The following PCDHGA3 variants were observed in gnomAD, a reference collection of about 807,000 sequenced individuals.
The protein encoded by PCDHGA3 is protocadherin gamma subfamily A, 3, also known as protocadherin gamma-A3.
A neutral mutation model predicts 58.5 loss-of-function variants in PCDHGA3; 40 were observed. That is an observed-to-expected ratio of 0.68 (90% CI 0.53 to 0.89). The LOEUF (loss-of-function observed/expected upper bound fraction) is 0.89, where lower values mean the gene tolerates loss of function less well. PCDHGA3 is among the 40% of genes least tolerant of loss of function. PCDHGA3 has a pLI of 0.00. For missense variants in PCDHGA3, 1,223 were observed against 1,195.9 expected (o/e 1.02, Z -0.33); for synonymous variants, 530 against 525.7 (o/e 1.01, Z -0.11).
At position 141,375,466 on chromosome 5, in the gene PCDHGA3, C is replaced by G. The variant is rs569300391; in HGVS notation, c.2424+29009C>G. On this transcript the variant is annotated intron_variant, in intron 1 of 3. Coordinates refer to ENST00000253812, the MANE Select transcript of PCDHGA3 (RefSeq NM_018916.4). ...CCCATTCATCCTACTCAGTCTATGT[C>G]CTTGAAAACAACCCCAGGGGTGCCT... The G allele has an allele frequency of 2.5e-6, 4 of 1,614,016 alleles. No individual in the cohort carries two copies. In the African/African-American group the frequency reaches 4.0e-5, roughly 16 times the overall value.
intron 1 of PCDHGA3, chr5:141,398,585 T>C (rs200356405): frequency 1.9e-6 from 3 of 1,614,080 alleles, no homozygotes; most frequent in Non-Finnish European, 2.5e-6. Flanking sequence ...ACAAGATTTA[T>C]ACTAGAAGTA....
chr5:141,421,847 C>G, intron 1 of PCDHGA3: 1 of 1,613,752 alleles, frequency 6.2e-7, no homozygotes, highest in Non-Finnish European at 8.5e-7. Flanking sequence ...GAGAAAGAGG[C>G]TGCTCACCTG....
chr5:141,419,730 G>A (rs747960969), intron 1 of PCDHGA3: 9 of 1,613,746 alleles, frequency 5.6e-6, no homozygotes, highest in Non-Finnish European at 7.6e-6. Context: ...CTGCGAACAG[G>A]CGAGGTGCGC....
chr5:141,390,396 T>G, intron 1 of PCDHGA3: 2 of 1,374,352 alleles, frequency 1.5e-6, no homozygotes, highest in Admixed American at 2.2e-5. Context: ...ATGGATCATT[T>G]TAGGAAAGTT....
At chr5:141,405,035 G>C in intron 1 of PCDHGA3, 1 of 1,613,964 alleles carries the variant, frequency 6.2e-7, no homozygotes, top group South Asian at 1.1e-5. Context: ...CTACCTCGTT[G>C]TGGCTGTGGC....
At chr5:141,374,135 A>G (rs564020884) in intron 1 of PCDHGA3, 17 of 1,605,796 alleles carry the variant, frequency 1.1e-5, no homozygotes, top group Non-Finnish European at 1.4e-5. Context: ...CCTGCTCCTC[A>G]CGCTCCTGGG....
At chr5:141,398,256 G>C in intron 1 of PCDHGA3, 3 of 1,460,296 alleles carry the variant, frequency 2.1e-6, no homozygotes, top group Non-Finnish European at 9.3e-7. Flanking sequence ...AAATGCCCAA[G>C]GGCTCCGTAG....
chr5:141,490,004 C>A lies in PCDHGA3; in HGVS notation c.2425-4803C>A. The A allele has an allele frequency of 6.2e-7, 1 of 1,614,174 alleles. No homozygotes were observed. The highest frequency in any genetic ancestry group is 1.7e-5 in the Admixed American group (1 of 60,034). On this transcript the variant is annotated intron_variant, in intron 1 of 3. Transcript: ENST00000253812. The surrounding 1 kb of genome is among the most constrained non-coding windows in gnomAD (Gnocchi z 5.4). ...CTACGTGTGGGAATCCCAGAGAATGCACCCATTGGTACTCTGCTGCTCCGC... is the reference window on the plus strand; with the variant it reads ...CTACGTGTGGGAATCCCAGAGAATGAACCCATTGGTACTCTGCTGCTCCGC...
chr5:141,505,190 G>A (rs1326515866), intron 2 of PCDHGA3, among the ~76,000 whole-genome samples: 1 of 152,186 alleles, frequency 6.6e-6, no homozygotes, highest in East Asian at 1.9e-4. Flanking sequence ...ATCGGAGGCA[G>A]CAAAGAGCTG....
chr5:141,393,526 A>G, intron 1 of PCDHGA3: 3 of 1,613,974 alleles, frequency 1.9e-6, no homozygotes, highest in East Asian at 2.2e-5. Context: ...ACAAATGACA[A>G]TGCCCCGGTT....
Position 141,491,730 on chromosome 5 carries a change from C to G in PCDHGA3, c.2425-3077C>G, listed in dbSNP as rs1346666614. 1 of 1,603,920 alleles carries G rather than the reference C, an allele frequency of 6.2e-7. No homozygotes were observed. Among genetic ancestry groups the G allele is most frequent in the Non-Finnish European group, 8.5e-7 (1 of 1,175,836 alleles). ...GGGGCTCGGCGCCGCCCCGGGCGAC[C>G]CCTGGGGGCGGCACTGGAGAAGCCG... On this transcript the variant is annotated intron_variant, in intron 1 of 3. Coordinates refer to ENST00000253812, the MANE Select transcript of PCDHGA3 (RefSeq NM_018916.4). The surrounding 1 kb of genome is among the most constrained non-coding windows in gnomAD (Gnocchi z 6.9).
At chr5:141,375,056 CCAGGT>C in intron 1 of PCDHGA3, 2 of 1,613,966 alleles carry the variant, frequency 1.2e-6, no homozygotes, top group Non-Finnish European at 1.7e-6. Flanking sequence ...CCGGGATGGG[CCAGGT>C]CTTCGAGACA....
chr5:141,457,417 CT>C lies in PCDHGA3; in HGVS notation c.2425-37385del, dbSNP rs894846890. On this transcript the variant is annotated intron_variant, in intron 1 of 3. Transcript: ENST00000253812. ...ATTCACATTTTCACATTACCCATCC[CT>C]TTTTCCCCCCCACCAAGCTGCAGAA... Among the ~76,000 whole-genome samples, 3 of 152,296 alleles carry C rather than the reference CT, an allele frequency of 2.0e-5. No individual in the cohort carries two copies. In the South Asian group the frequency reaches 6.2e-4, roughly 32 times the overall value.
chr5:141,345,251 G>C lies in PCDHGA3; in HGVS notation c.1218G>C (p.Thr406=). 6.2e-7 allele frequency: 1 copy of C among 1,613,866 alleles called. No individual in the cohort carries two copies. Among genetic ancestry groups the C allele is most frequent in the Non-Finnish European group, 8.5e-7 (1 of 1,179,878 alleles). The change falls in exon 1 of 4, where the codon ACG becomes ACC. Residue 406 remains threonine (T), a synonymous_variant. Coordinates refer to ENST00000253812, the MANE Select transcript of PCDHGA3 (RefSeq NM_018916.4). ...TAGATCAATATTACCGCTTAGTGACGGCCACATCCCTGGACCGCGAACAAA... is the reference window on the plus strand; with the variant it reads ...TAGATCAATATTACCGCTTAGTGACCGCCACATCCCTGGACCGCGAACAAA... The part of the protein sequence containing the change: ...KSIDQYYRLV[T]ATSLDREQIS...
chr5:141,408,855 G>T, intron 1 of PCDHGA3: 1 of 1,613,572 alleles, frequency 6.2e-7, no homozygotes, highest in Non-Finnish European at 8.5e-7. Context: ...TTGGACGGAG[G>T]GGACCCACCA....
chr5:141,487,068 T>C lies in PCDHGA3; in HGVS notation c.2425-7739T>C. ...TATGCTGGGGAGGTGCGGACGGCTG[T>C]TCCTATCCCAGCTGACCTCCCACCA... On this transcript the variant is annotated intron_variant, in intron 1 of 3. Transcript: ENST00000253812. The surrounding 1 kb of genome is among the most constrained non-coding windows in gnomAD (Gnocchi z 5.0). The C allele has an allele frequency of 6.2e-7, 1 of 1,614,166 alleles. No individual in the cohort carries two copies. The highest frequency in any genetic ancestry group is 8.5e-7 in the Non-Finnish European group (1 of 1,180,016).
intron 1 of PCDHGA3, chr5:141,428,122 G>A: frequency 6.2e-7 from 1 of 1,606,172 alleles, no homozygotes; most frequent in Non-Finnish European, 8.5e-7. Context: ...ATCGAGCCCG[G>A]GCTTTTCAGC....
rs758439978 is a variant in PCDHGA3 at position 141,415,219 on chromosome 5, T to C, written c.2424+68762T>C. ...CCAAGTCCTGGCGGACCTCGGCAGC[T>C]TCGAGTCTCCAGCTAACTCTGAAAC... On this transcript the variant is annotated intron_variant, in intron 1 of 3. Coordinates refer to ENST00000253812, the MANE Select transcript of PCDHGA3 (RefSeq NM_018916.4). 42 of 1,613,954 alleles carry C rather than the reference T, an allele frequency of 2.6e-5. No individual in the cohort carries two copies. Among genetic ancestry groups the C allele is most frequent in the South Asian group, 9.9e-5 (9 of 91,088 alleles).
chr5:141,357,735 A>G, intron 1 of PCDHGA3: 2 of 1,327,896 alleles, frequency 1.5e-6, no homozygotes, highest in Non-Finnish European at 2.0e-6. Flanking sequence ...TTAATATTTT[A>G]TTGCTTTAAA....
Sources: allele counts gnomAD v4.1 joint callset (sites outside exome capture counted in the v4.1 genomes callset), GRCh38; gene constraint gnomAD v4.1.1; non-coding constraint Gnocchi (gnomAD v3.1); transcripts MANE v1.5; gene names NCBI Gene and HGNC (gene_info 2026-07-23, HGNC 2026-07-21).